The following IFT140 variants were observed in gnomAD, a reference collection of about 807,000 sequenced individuals.
IFT140 encodes intraflagellar transport protein 140 homolog.
Under a neutral mutation model 164.6 loss-of-function variants are expected in IFT140, and 133 were observed. The ratio of observed to expected loss-of-function variants is 0.81; its 90% CI spans 0.70 to 0.93. The LOEUF is 0.93. Ranked by LOEUF, IFT140 falls within the 40% of genes least tolerant of loss-of-function variation. The pLI, the probability that IFT140 is intolerant of heterozygous loss-of-function variation, is 0.00. For missense variants in IFT140, 2,045 were observed against 1,972.3 expected, an observed-to-expected ratio of 1.04 and a Z score of -0.70; for synonymous variants, 860 against 817.3, an observed-to-expected ratio of 1.05 and a Z score of -0.89.
At chr16:1,568,466 GTGCACC>G in intron 14 of IFT140, 132 bp from the exon 15 acceptor site, 1 of 716,684 alleles carries the variant, frequency 1.4e-6, no homozygotes, top group Non-Finnish European at 2.3e-6. Flanking sequence ...GGTGGCGCGT[GTGCACC>G]ATGAGGTGGG....
chr16:1,525,072 G>A (rs1425216225), intron 22 of IFT140, among the ~76,000 whole-genome samples, 156 bp from the exon 23 acceptor site: 3 of 152,160 alleles, frequency 2.0e-5, no homozygotes, highest in Non-Finnish European at 4.4e-5. Flanking sequence ...TCCAAAGGGA[G>A]GGCCTGGCTC....
intron 15 of IFT140, among the ~76,000 whole-genome samples, chr16:1,567,035 C>T (rs564673999): frequency 6.6e-6 from 1 of 152,284 alleles, no homozygotes; most frequent in African/African-American, 2.4e-5. Flanking sequence ...TCCCAGGCAC[C>T]TGCCCTTCTG....
At chr16:1,576,575 G>A (rs886497017) in intron 13 of IFT140, 4 of 146,402 alleles carry the variant, frequency 2.7e-5, no homozygotes, top group Admixed American at 2.0e-4. Context: ...CTGGGTGACA[G>A]AGGGAAACTT....
At chr16:1,542,139 G>A (rs2031712965) in intron 19 of IFT140, 4 of 1,464,888 alleles carry the variant, frequency 2.7e-6, no homozygotes, top group African/African-American at 2.8e-5. Context: ...GGTGCCACAG[G>A]AGGGTCCTGA....
intron 19 of IFT140, among the ~76,000 whole-genome samples, chr16:1,554,381 A>G (rs895482080): frequency 7.9e-5 from 12 of 152,232 alleles, no homozygotes; most frequent in African/African-American, 2.9e-4. Context: ...ATTACTGCTG[A>G]GTCTGGGGGG....
At position 1,566,012 on chromosome 16, in the gene IFT140, A is replaced by C. The variant is rs985243377; in HGVS notation, c.1901+149T>G. On this transcript the variant is annotated intron_variant, in intron 16 of 30. Transcript: ENST00000426508. ...AGAACTCCAATCTACCCACTGCCAG[A>C]GTGTGCTTCTGTTTTCCTCTTTCTT... 7 of 665,292 alleles carry C rather than the reference A, an allele frequency of 1.1e-5. No homozygotes were observed. The East Asian group carries it at 2.0e-4, about 19-fold the overall frequency. The allele number at this position is 665,292 out of a possible 1,614,324, so 41.2% of individuals were successfully genotyped here. A position where few individuals can be genotyped will look rare whatever the true frequency, so the allele number is the denominator to read the frequency against.
intron 19 of IFT140, among the ~76,000 whole-genome samples, chr16:1,537,783 C>T (rs2031220550): frequency 6.6e-6 from 1 of 152,226 alleles, no homozygotes; most frequent in African/African-American, 2.4e-5. Context: ...GTGATTGAAT[C>T]TCGAGGCAGG....
chr16:1,524,523 G>A lies in IFT140; in HGVS notation c.3141+29C>T, dbSNP rs762161993. Reference sequence around the variant, plus strand: ...CTCTCCTCAGGGGACCTCGAGAAGCGCCGGCTCCCCACCCCGGGCCCGTGG... The same window carrying A: ...CTCTCCTCAGGGGACCTCGAGAAGCACCGGCTCCCCACCCCGGGCCCGTGG... On this transcript the variant is annotated intron_variant, in intron 24 of 30. Transcript: ENST00000426508. 1.6e-5 allele frequency: 25 copies of A among 1,608,400 alleles called. 1 individual carries two copies. The highest frequency in any genetic ancestry group is 6.7e-5 in the East Asian group (3 of 44,836).
chr16:1,570,759 C>G (rs1175776856), intron 14 of IFT140, among the ~76,000 whole-genome samples: 1 of 152,080 alleles, frequency 6.6e-6, no homozygotes, highest in Non-Finnish European at 1.5e-5. Context: ...CTCTAACATT[C>G]TAAGTGATTT....
In IFT140 at chr16:1,523,714, G is replaced by A; in HGVS notation, c.3271-14C>T. 6.2e-7 allele frequency: 1 copy of A among 1,612,056 alleles called. No homozygotes were observed. Among genetic ancestry groups the A allele is most frequent in the Non-Finnish European group, 8.5e-7 (1 of 1,179,276 alleles). ...GAAGTGGCCAGCCTGCGGATACGGT[G>A]GGCTCTGAGCAGCTGCCCGAGGCCT... On this transcript the variant is annotated splice_polypyrimidine_tract_variant and intron_variant, in intron 25 of 30. Transcript: ENST00000426508.
At chr16:1,559,658 G>T (rs1310824336) in intron 18 of IFT140, among the ~76,000 whole-genome samples, 1 of 152,188 alleles carries the variant, frequency 6.6e-6, no homozygotes, top group East Asian at 1.9e-4. Context: ...ACATGTCCCA[G>T]CCATGACCAC....
chr16:1,592,917 T>A (rs1036081182), intron 4 of IFT140, among the ~76,000 whole-genome samples: 4 of 148,718 alleles, frequency 2.7e-5, no homozygotes, highest in South Asian at 4.3e-4. Flanking sequence ...GCAGAGTGAC[T>A]GGTGGAGGGA....
chr16:1,521,735 C>T (rs992420494), intron 26 of IFT140, among the ~76,000 whole-genome samples: 3 of 150,394 alleles, frequency 2.0e-5, no homozygotes, highest in Non-Finnish European at 4.4e-5. Context: ...GAGAATATGT[C>T]TTAGGCCGGG....
Position 1,589,603 on chromosome 16 carries a change from A to C in IFT140, c.810+2T>G. The C allele has an allele frequency of 6.2e-7, 1 of 1,612,558 alleles. No homozygotes were observed. Among genetic ancestry groups the C allele is most frequent in the African/African-American group, 1.3e-5 (1 of 74,956 alleles). On this transcript the variant is annotated splice_donor_variant, in intron 7 of 30. Coordinates refer to ENST00000426508, the MANE Select transcript of IFT140 (RefSeq NM_014714.4). LOFTEE classifies it high-confidence loss of function. ...TGAGCCCCCAAGCCCACTCCCACTC[A>C]CCTTCATCACTTCTTCTGCTTTGCC...
chr16:1,596,392 C>T (rs745400881), intron 4 of IFT140, among the ~76,000 whole-genome samples: 5 of 152,152 alleles, frequency 3.3e-5, no homozygotes, highest in East Asian at 1.9e-4. Flanking sequence ...TTAGCACATA[C>T]GAGCTTCTAG....
At chr16:1,592,934 C>T (rs900925958) in intron 4 of IFT140, among the ~76,000 whole-genome samples, 108 of 79,738 alleles carry the variant, frequency 1.4e-3, no homozygotes, top group Middle Eastern at 0.013. Flanking sequence ...GGGACAGGTG[C>T]CCCGGCAGAG....
At chr16:1,523,999 T>C (rs2040599830) in intron 24 of IFT140, 43 bp from the exon 25 acceptor site, 1 of 1,597,160 alleles carries the variant, frequency 6.3e-7, no homozygotes, top group African/African-American at 1.3e-5. Context: ...TCCCACTGGC[T>C]TCCCCAGGTC....
At chr16:1,517,859 A>G (rs972061701) in intron 30 of IFT140, among the ~76,000 whole-genome samples, 1 of 151,762 alleles carries the variant, frequency 6.6e-6, no homozygotes, top group African/African-American at 2.4e-5. Flanking sequence ...TTCTTTTGAG[A>G]CAGGGTCTCG....
chr16:1,566,601 G>C (rs534654167), intron 15 of IFT140, among the ~76,000 whole-genome samples: 5 of 152,122 alleles, frequency 3.3e-5, no homozygotes, highest in Non-Finnish European at 7.4e-5. Context: ...AGCTGGGATT[G>C]CAGGTGCGGG....
Sources: allele counts gnomAD v4.1 joint callset (sites outside exome capture counted in the v4.1 genomes callset), GRCh38; gene constraint gnomAD v4.1.1; transcripts MANE v1.5; gene names NCBI Gene and HGNC (gene_info 2026-07-23, HGNC 2026-07-21).